HIVEP1: variants seen among roughly 807,000 people sequenced by gnomAD.
The protein encoded by HIVEP1 is zinc finger protein 40.
A neutral mutation model predicts 180.0 loss-of-function variants in HIVEP1; 36 were observed. That is an observed-to-expected ratio of 0.20 (90% CI 0.15 to 0.26). HIVEP1 has a LOEUF of 0.26. HIVEP1 is among the 10% of genes least tolerant of loss of function. The pLI is 1.00. For synonymous variants in HIVEP1, 1,239 were observed against 1,239.0 expected (o/e 1.00, Z 0.00); for missense variants, 3,143 against 3,268.7 (o/e 0.96, Z 0.94).
intron 2 of HIVEP1, among the ~76,000 whole-genome samples, chr6:12,029,363 C>T (rs1037158644): frequency 6.6e-6 from 1 of 152,178 alleles, no homozygotes; most frequent in African/African-American, 2.4e-5. Flanking sequence ...CAGCGTGTTG[C>T]CGCGATTGCT....
chr6:12,067,152 G>T (rs903662063), intron 2 of HIVEP1, among the ~76,000 whole-genome samples: 1 of 151,878 alleles, frequency 6.6e-6, no homozygotes, highest in Non-Finnish European at 1.5e-5. Context: ...ATAGGGTTAG[G>T]GTTTAAGTTT....
At chr6:12,067,354 A>G (rs896022538) in intron 2 of HIVEP1, among the ~76,000 whole-genome samples, 4 of 152,152 alleles carry the variant, frequency 2.6e-5, no homozygotes, top group African/African-American at 9.7e-5. Context: ...TATTTAATCT[A>G]TTTCTGTGAA....
chr6:12,127,292 A>T (rs901985443), intron 4 of HIVEP1, among the ~76,000 whole-genome samples: 1 of 152,264 alleles, frequency 6.6e-6, no homozygotes, highest in African/African-American at 2.4e-5. Context: ...TAAAAATCAA[A>T]TCATGTGTAT....
intron 7 of HIVEP1, among the ~76,000 whole-genome samples, chr6:12,138,282 A>G (rs536299922): frequency 6.6e-6 from 1 of 152,316 alleles, no homozygotes; most frequent in South Asian, 2.1e-4. Flanking sequence ...TAATATTGTT[A>G]GAATTTAAAT....
the HIVEP1 span, among the ~76,000 whole-genome samples, chr6:12,174,769 T>G: frequency 6.6e-6 from 1 of 152,220 alleles, no homozygotes; most frequent in Non-Finnish European, 1.5e-5. Flanking sequence ...GGACTTGTAT[T>G]GTCTCTTAGA....
At chr6:12,021,501 C>T (rs967136901) in intron 2 of HIVEP1, among the ~76,000 whole-genome samples, 8 of 152,204 alleles carry the variant, frequency 5.3e-5, no homozygotes, top group Non-Finnish European at 7.3e-5. Flanking sequence ...CTCCCCTCCA[C>T]AGACATGCCC....
intron 2 of HIVEP1, among the ~76,000 whole-genome samples, chr6:12,024,854 A>T (rs1428504157): frequency 6.6e-6 from 1 of 152,194 alleles, no homozygotes; most frequent in Non-Finnish European, 1.5e-5. Flanking sequence ...AGAGAATTAC[A>T]CATTTTACAG....
chr6:12,204,115 G>A, the HIVEP1 span, among the ~76,000 whole-genome samples: 1 of 152,054 alleles, frequency 6.6e-6, no homozygotes, highest in South Asian at 2.1e-4. Context: ...AAGTTCAGGG[G>A]TTCAGAGAAA....
intron 4 of HIVEP1, 93 bp downstream of exon 4, chr6:12,125,963 T>C (rs1758045709): frequency 1.4e-6 from 1 of 726,912 alleles, no homozygotes. Context: ...GGAAATATTT[T>C]AATTTTGAGT....
intron 2 of HIVEP1, among the ~76,000 whole-genome samples, chr6:12,048,596 T>G (rs1223313020): frequency 6.6e-6 from 1 of 152,174 alleles, no homozygotes; most frequent in South Asian, 2.1e-4. Flanking sequence ...CTGGATACAC[T>G]CTCTAATTGA....
chr6:12,058,119 T>A (rs906524036), intron 2 of HIVEP1, among the ~76,000 whole-genome samples: 2 of 152,220 alleles, frequency 1.3e-5, no homozygotes, highest in Non-Finnish European at 2.9e-5. Context: ...AAGGAAGGCA[T>A]CTAGGTAATC....
chr6:12,163,389 A>G lies in HIVEP1; in HGVS notation c.7085A>G (p.Lys2362Arg). The stretch of plus-strand genomic sequence containing the variant: ...CCACATCCTGACCCTCAAGAACAGA[A>G]GCAGCAAATAACTCTACAGCCGACT... ...ASPHPDPQEQ[K>R]QQITLQPTPG... The change falls in exon 9 of 9, where the codon AAG becomes AGG. Residue 2362 changes from lysine to arginine, a missense_variant. Lys to Arg is a conservative substitution (Grantham distance 26). Transcript: ENST00000379388. 1 of 1,614,132 alleles carries G rather than the reference A, an allele frequency of 6.2e-7. No individual in the cohort carries two copies. The highest frequency in any genetic ancestry group is 8.5e-7 in the Non-Finnish European group (1 of 1,180,026).
At chr6:12,075,174 G>A (rs1166624260) in intron 2 of HIVEP1, among the ~76,000 whole-genome samples, 2 of 152,206 alleles carry the variant, frequency 1.3e-5, no homozygotes, top group Non-Finnish European at 2.9e-5. Flanking sequence ...AGATGGAAGT[G>A]TACCATGTAC....
chr6:12,192,073 C>T, the HIVEP1 span, among the ~76,000 whole-genome samples: 1 of 152,188 alleles, frequency 6.6e-6, no homozygotes, highest in African/African-American at 2.4e-5. Flanking sequence ...ATATGACTGA[C>T]TTCTTAAGTG....
At chr6:12,061,709 A>T (rs1289932316) in intron 2 of HIVEP1, among the ~76,000 whole-genome samples, 1 of 152,174 alleles carries the variant, frequency 6.6e-6, no homozygotes, top group Non-Finnish European at 1.5e-5. Context: ...TTTTGTTGAC[A>T]TAAGTGGTAA....
At chr6:12,011,270 T>TGCCCCCCCCCC (rs1767268015), upstream of HIVEP1, among the ~76,000 whole-genome samples, 1 of 71,632 alleles carries the variant, frequency 1.4e-5, no homozygotes, top group Non-Finnish European at 2.6e-5. Flanking sequence ...CCCCTTGGGG[T>TGCCCCCCCCCC]CCCCCCCCCC....
At chr6:12,029,482 T>G (rs1434918602) in intron 2 of HIVEP1, among the ~76,000 whole-genome samples, 1 of 152,246 alleles carries the variant, frequency 6.6e-6, no homozygotes. Context: ...CTTTTCTGTT[T>G]GCTTCATACT....
At chr6:12,203,884 C>T in the HIVEP1 span, among the ~76,000 whole-genome samples, 214 of 152,232 alleles carry the variant, frequency 1.4e-3, 1 homozygote, top group African/African-American at 4.9e-3. Flanking sequence ...GGAGACCAGC[C>T]TGACCAACAT....
At chr6:12,084,778 A>C (rs1773009587) in intron 2 of HIVEP1, among the ~76,000 whole-genome samples, 1 of 152,100 alleles carries the variant, frequency 6.6e-6, no homozygotes, top group South Asian at 2.1e-4. Context: ...TGAAGGCTAA[A>C]CGAAGAGGGA....
Sources: gnomAD v4.1 joint callset for allele counts (sites outside exome capture counted in the v4.1 genomes callset) on GRCh38, gnomAD v4.1.1 for gene constraint, MANE v1.5 for transcripts, NCBI Gene and HGNC (gene_info 2026-07-23, HGNC 2026-07-21) for gene names.